Variants in DPT observed in about 807,000 individuals in gnomAD.
DPT encodes tyrosine-rich acidic matrix protein.
Under a neutral mutation model 31.2 loss-of-function variants are expected in DPT, and 21 were observed. The ratio of observed to expected loss-of-function variants is 0.67; its 90% CI spans 0.48 to 0.97. The LOEUF (loss-of-function observed/expected upper bound fraction) is 0.97. Ranked by LOEUF, DPT falls within the 50% of genes least tolerant of loss-of-function variation. The pLI is 0.00. For missense variants in DPT, 262 were observed against 258.8 expected, an observed-to-expected ratio of 1.01 and a Z score of -0.08; for synonymous variants, 91 against 86.9, an observed-to-expected ratio of 1.05 and a Z score of -0.26.
intron 1 of DPT, among the ~76,000 whole-genome samples, chr1:168,714,940 T>C (rs1419496495): frequency 1.3e-5 from 2 of 152,202 alleles, no homozygotes; most frequent in African/African-American, 4.8e-5. Flanking sequence ...TTCCTACTTA[T>C]CCAGGAATCT....
At chr1:168,716,830 T>C (rs1649997013) in intron 1 of DPT, among the ~76,000 whole-genome samples, 1 of 152,204 alleles carries the variant, frequency 6.6e-6, no homozygotes, top group African/African-American at 2.4e-5. Flanking sequence ...CTGTGTTAGT[T>C]TGCTGAGGAT....
At chr1:168,698,645 T>G (rs1649516967) in intron 3 of DPT, among the ~76,000 whole-genome samples, 1 of 152,062 alleles carries the variant, frequency 6.6e-6, no homozygotes, top group African/African-American at 2.4e-5. Context: ...GCAACTTCTT[T>G]TGGTTAGGGT....
Position 168,696,416 on chromosome 1 carries a change from G to A in DPT, c.*133C>T, listed in dbSNP as rs1205319574. 2.9e-6 allele frequency: 2 copies of A among 691,604 alleles called. No individual in the cohort carries two copies. The highest frequency in any genetic ancestry group is 6.1e-5 in the Admixed American group (2 of 32,678). 42.8% of individuals were successfully genotyped at this position (691,604 alleles called of 1,614,324 possible). On this transcript the variant is annotated 3_prime_UTR_variant, in exon 4 of 4. Coordinates refer to ENST00000367817, the MANE Select transcript of DPT (RefSeq NM_001937.5). ...CAGAAAGGCCCAGGAAGTTGGCATT[G>A]CAGTTACCAGCTCAGGGAGAAGGAA... is the stretch of plus-strand genomic sequence containing the variant.
At chr1:168,701,754 C>T (rs1649602939) in intron 2 of DPT, among the ~76,000 whole-genome samples, 1 of 152,150 alleles carries the variant, frequency 6.6e-6, no homozygotes, top group Non-Finnish European at 1.5e-5. Flanking sequence ...ATTGTTCATC[C>T]AGCACCTAAA....
At chr1:168,709,003 A>G (rs1649788067) in intron 2 of DPT, among the ~76,000 whole-genome samples, 1 of 152,232 alleles carries the variant, frequency 6.6e-6, no homozygotes, top group Admixed American at 6.5e-5. Context: ...TATGACTTGC[A>G]CACAGAGAGT....
intron 3 of DPT, 115 bp downstream of exon 3, chr1:168,700,902 T>G (rs1649579625): frequency 1.8e-6 from 1 of 543,088 alleles, no homozygotes; most frequent in Non-Finnish European, 3.2e-6. Context: ...TGTGTGTGTG[T>G]GTGTGGGTGT....
intron 1 of DPT, among the ~76,000 whole-genome samples, chr1:168,722,849 A>AACACAC (rs10585221): frequency 1.9e-4 from 28 of 149,718 alleles, no homozygotes; most frequent in African/African-American, 4.2e-4. Context: ...CCCTCAAAGA[A>AACACAC]ACACACACAC....
intron 1 of DPT, among the ~76,000 whole-genome samples, chr1:168,714,760 G>A (rs564613449): frequency 1.3e-5 from 2 of 152,298 alleles, no homozygotes; most frequent in South Asian, 2.1e-4. Flanking sequence ...GAAGCACAAC[G>A]TATTGATGAA....
intron 1 of DPT, among the ~76,000 whole-genome samples, chr1:168,716,972 G>A (rs1649999739): frequency 6.6e-6 from 1 of 152,164 alleles, no homozygotes; most frequent in African/African-American, 2.4e-5. Context: ...CATTTGGGTT[G>A]GTTCCATGTC....
chr1:168,725,319 CCCTT>C (rs1482889281), intron 1 of DPT, among the ~76,000 whole-genome samples: 2 of 148,804 alleles, frequency 1.3e-5, no homozygotes, highest in East Asian at 2.0e-4. Flanking sequence ...CTCCCTCCCT[CCCTT>C]CCTTCTCTCT....
chr1:168,700,590 C>T (rs1171510252), intron 3 of DPT, among the ~76,000 whole-genome samples: 1 of 152,150 alleles, frequency 6.6e-6, no homozygotes, highest in East Asian at 1.9e-4. Context: ...GCCTTCTCCT[C>T]TTGGTGTTTC....
intron 2 of DPT, among the ~76,000 whole-genome samples, chr1:168,709,796 A>G (rs1649810463): frequency 6.6e-6 from 1 of 152,202 alleles, no homozygotes; most frequent in Non-Finnish European, 1.5e-5. Flanking sequence ...ATGTAAGGGA[A>G]GGTTTCAGAT....
At chr1:168,703,483 G>A (rs1471654996) in intron 2 of DPT, among the ~76,000 whole-genome samples, 1 of 152,198 alleles carries the variant, frequency 6.6e-6, no homozygotes, top group East Asian at 1.9e-4. Flanking sequence ...TAAGCCCCCT[G>A]TCTAACTGGA....
intron 1 of DPT, among the ~76,000 whole-genome samples, chr1:168,724,597 G>C (rs1650194812): frequency 6.6e-6 from 1 of 152,076 alleles, no homozygotes; most frequent in South Asian, 2.1e-4. Context: ...AACAAAGCAG[G>C]CTGAGGGAGT....
chr1:168,716,050 C>T (rs1649980565), intron 1 of DPT, among the ~76,000 whole-genome samples: 1 of 152,200 alleles, frequency 6.6e-6, no homozygotes, highest in Non-Finnish European at 1.5e-5. Context: ...GTAACATTAT[C>T]AACAAGTGGA....
At position 168,711,317 on chromosome 1, in the gene DPT, G is replaced by A. The variant is rs372208092; in HGVS notation, c.431+2904C>T. ...TTACAAGTGTGAGCCACCATGCCCG[G>A]CCTTGACAAATTTTCTAAAACCAGT... On this transcript the variant is annotated intron_variant, in intron 2 of 3. Transcript: ENST00000367817. Among the ~76,000 whole-genome samples the A allele has an allele frequency of 2.6e-5, 4 of 152,106 alleles. No homozygotes were observed. In the East Asian group the frequency reaches 7.7e-4, roughly 29 times the overall value.
chr1:168,718,181 A>G (rs1392679263), intron 1 of DPT, among the ~76,000 whole-genome samples: 6 of 152,136 alleles, frequency 3.9e-5, no homozygotes, highest in African/African-American at 1.4e-4. Context: ...TGTCTTCTGT[A>G]CTCAGACCCC....
At chr1:168,720,863 T>C (rs1451574356) in intron 1 of DPT, among the ~76,000 whole-genome samples, 2 of 152,248 alleles carry the variant, frequency 1.3e-5, no homozygotes, top group African/African-American at 2.4e-5. Context: ...GAATAATTCT[T>C]TGAGTTGCTA....
intron 2 of DPT, among the ~76,000 whole-genome samples, chr1:168,712,337 C>A (rs962267158): frequency 2.6e-5 from 4 of 152,282 alleles, no homozygotes; most frequent in Non-Finnish European, 4.4e-5. Flanking sequence ...CTCCTCACCT[C>A]CTCACTCTTT....
Sources: allele counts gnomAD v4.1 joint callset (sites outside exome capture counted in the v4.1 genomes callset), GRCh38; gene constraint gnomAD v4.1.1; transcripts MANE v1.5; gene names NCBI Gene and HGNC (gene_info 2026-07-23, HGNC 2026-07-21).